Variants in FBXL20 observed in about 807,000 individuals in gnomAD.
FBXL20 encodes the protein F-box/LRR-repeat protein 20.
FBXL20 carries 11 observed loss-of-function variants against 64.0 expected under a neutral mutation model. The ratio of observed to expected loss-of-function variants is 0.17; its 90% CI spans 0.11 to 0.28. The LOEUF is 0.28. FBXL20 is among the 10% of genes least tolerant of loss of function. The pLI is 1.00. For missense variants in FBXL20, 303 were observed against 526.2 expected (o/e 0.58, Z 4.15); for synonymous variants, 184 against 189.0 (o/e 0.97, Z 0.22).
intron 12 of FBXL20, 43 bp from the exon 13 acceptor site, chr17:39,265,496 A>G (rs1279445482): frequency 6.9e-7 from 1 of 1,451,668 alleles, no homozygotes; most frequent in Non-Finnish European, 9.7e-7. Context: ...TAATCCAAAT[A>G]AAATCCTGAG....
intron 1 of FBXL20, among the ~76,000 whole-genome samples, chr17:39,376,457 A>G (rs1371989991): frequency 6.6e-6 from 1 of 152,208 alleles, no homozygotes; most frequent in Non-Finnish European, 1.5e-5. Flanking sequence ...TGATATATTC[A>G]TGAGAGTCAG....
chr17:39,277,060 T>C (rs961779607), intron 9 of FBXL20, among the ~76,000 whole-genome samples: 6 of 152,382 alleles, frequency 3.9e-5, no homozygotes, highest in South Asian at 4.1e-4. Flanking sequence ...CTCTGTTTAA[T>C]AGTCATGTCC....
chr17:39,397,382 G>A (rs2048194463), intron 1 of FBXL20, among the ~76,000 whole-genome samples: 1 of 152,154 alleles, frequency 6.6e-6, no homozygotes. Flanking sequence ...TCTAACTTAT[G>A]GGTTCTTATC....
At chr17:39,313,124 C>G (rs2047251653) in intron 2 of FBXL20, among the ~76,000 whole-genome samples, 1 of 146,472 alleles carries the variant, frequency 6.8e-6, no homozygotes, top group Non-Finnish European at 1.5e-5. Context: ...TCACCATGTT[C>G]GTCAGGCTGG....
rs564084878 is a variant in FBXL20, at chr17:39,361,250, C to T, written c.43-18009G>A. Reference sequence around the variant, plus strand: ...GGAGGATCAGAGAAGAGCCATCAATCAGAGAAGCCAAGCAGATTGAGCTGC... The same window carrying T: ...GGAGGATCAGAGAAGAGCCATCAATTAGAGAAGCCAAGCAGATTGAGCTGC... On this transcript the variant is annotated intron_variant, in intron 1 of 14. Coordinates refer to ENST00000264658, the MANE Select transcript of FBXL20 (RefSeq NM_032875.3). Among the ~76,000 whole-genome samples the T allele has an allele frequency of 1.3e-3, 198 of 152,018 alleles. 1 individual carries two copies. The highest frequency in any genetic ancestry group is 4.7e-3 in the African/African-American group (195 of 41,472).
chr17:39,399,292 T>A (rs1380001641), intron 1 of FBXL20, among the ~76,000 whole-genome samples: 1 of 152,238 alleles, frequency 6.6e-6, no homozygotes, highest in African/African-American at 2.4e-5. Context: ...GGATTTAAAA[T>A]ATCATTTGAT....
At chr17:39,370,217 G>A (rs978973903) in intron 1 of FBXL20, among the ~76,000 whole-genome samples, 14 of 151,578 alleles carry the variant, frequency 9.2e-5, no homozygotes, top group African/African-American at 2.7e-4. Flanking sequence ...AGGACCAAGC[G>A]CTATGCCTCA....
intron 7 of FBXL20, among the ~76,000 whole-genome samples, chr17:39,284,476 G>A (rs565811947): frequency 6.6e-6 from 1 of 152,298 alleles, no homozygotes; most frequent in African/African-American, 2.4e-5. Flanking sequence ...AACCTGCTGG[G>A]CTCAAGTGAT....
At chr17:39,335,099 T>A (rs2047507508) in intron 2 of FBXL20, among the ~76,000 whole-genome samples, 1 of 152,156 alleles carries the variant, frequency 6.6e-6, no homozygotes, top group Non-Finnish European at 1.5e-5. Flanking sequence ...AAGACCCTGT[T>A]TCTCTAGCTG....
At chr17:39,382,922 C>T (rs771419411) in intron 1 of FBXL20, among the ~76,000 whole-genome samples, 6 of 151,254 alleles carry the variant, frequency 4.0e-5, no homozygotes, top group East Asian at 1.9e-4. Flanking sequence ...TTTGTGAGGC[C>T]GAAGTGGGCA....
chr17:39,274,838 C>CA (rs1266875228), intron 10 of FBXL20, 132 bp downstream of exon 10: 5 of 1,161,696 alleles, frequency 4.3e-6, no homozygotes, highest in African/African-American at 1.6e-5. Flanking sequence ...AGGTGGGCAT[C>CA]TAAAAGGGAC....
At chr17:39,357,669 C>A (rs1235276394) in intron 1 of FBXL20, among the ~76,000 whole-genome samples, 1 of 152,218 alleles carries the variant, frequency 6.6e-6, no homozygotes, top group Non-Finnish European at 1.5e-5. Context: ...CTCAGCCTCC[C>A]AACGTGTTGC....
intron 2 of FBXL20, among the ~76,000 whole-genome samples, chr17:39,319,487 C>T (rs929897553): frequency 2.0e-5 from 3 of 151,844 alleles, no homozygotes; most frequent in African/African-American, 7.3e-5. Flanking sequence ...GAGTTTGAGG[C>T]CAGCCTCGCC....
chr17:39,360,565 C>T (rs1161986223), intron 1 of FBXL20, among the ~76,000 whole-genome samples: 1 of 151,976 alleles, frequency 6.6e-6, no homozygotes, highest in Non-Finnish European at 1.5e-5. Context: ...AGGAGCGGGA[C>T]AAAAATGGAA....
chr17:39,258,552 A>G lies in FBXL20; in HGVS notation c.*2908T>C, dbSNP rs2046714778. On this transcript the variant is annotated 3_prime_UTR_variant, in exon 15 of 15. Transcript: ENST00000264658. ...CTTAATAGCAGAGATCACCAGAGCAAGTCCCCATGGACCTGCCTGTGGGTA... is the reference window on the plus strand; with the variant it reads ...CTTAATAGCAGAGATCACCAGAGCAGGTCCCCATGGACCTGCCTGTGGGTA... 6.6e-6 allele frequency: 1 copy of G among 152,254 alleles called. No homozygotes were observed. The highest frequency in any genetic ancestry group is 1.5e-5 in the Non-Finnish European group (1 of 68,048). The allele number at this position is 152,254 out of a possible 1,614,324, so 9.4% of individuals were successfully genotyped here. A position where few individuals can be genotyped will look rare whatever the true frequency, so the allele number is the denominator to read the frequency against.
intron 2 of FBXL20, among the ~76,000 whole-genome samples, chr17:39,319,047 G>C (rs758535219): frequency 3.3e-5 from 5 of 151,958 alleles, no homozygotes; most frequent in Admixed American, 1.3e-4. Flanking sequence ...TCAGGAGATT[G>C]AGACCAGCCT....
intron 2 of FBXL20, among the ~76,000 whole-genome samples, chr17:39,340,104 TTTTG>T (rs1413917442): frequency 5.9e-5 from 9 of 152,170 alleles, no homozygotes; most frequent in Admixed American, 2.6e-4. Flanking sequence ...TTCCTGGGGT[TTTTG>T]TTTGTTTGAG....
intron 2 of FBXL20, among the ~76,000 whole-genome samples, chr17:39,334,239 G>A (rs1417410276): frequency 6.6e-6 from 1 of 152,222 alleles, no homozygotes; most frequent in Admixed American, 6.5e-5. Context: ...GGTGGTGCAA[G>A]ATGTGCTTTG....
At chr17:39,397,196 A>G (rs1368036675) in intron 1 of FBXL20, among the ~76,000 whole-genome samples, 1 of 152,166 alleles carries the variant, frequency 6.6e-6, no homozygotes, top group Non-Finnish European at 1.5e-5. Flanking sequence ...GTGAGCCACC[A>G]TGCCCAGCCA....
Sources: gnomAD v4.1 joint callset for allele counts (sites outside exome capture counted in the v4.1 genomes callset) on GRCh38, gnomAD v4.1.1 for gene constraint, MANE v1.5 for transcripts, NCBI Gene and HGNC (gene_info 2026-07-23, HGNC 2026-07-21) for gene names.